Variants in RANBP2 observed in about 807,000 individuals in gnomAD.
RANBP2 encodes the protein E3 SUMO-protein ligase RanBP2.
In RANBP2, 57 loss-of-function variants were observed where a neutral mutation model predicts 303.6. That is an observed-to-expected ratio of 0.19 (90% CI 0.15 to 0.23). RANBP2 has a LOEUF of 0.23. RANBP2 is among the 10% of genes least tolerant of loss of function. The probability of loss-of-function intolerance (pLI) is 1.00; values close to 1 mark genes in which losing one functional copy is unlikely to be tolerated. For synonymous variants in RANBP2, 1,167 were observed against 1,301.5 expected (o/e 0.90, Z 2.23); for missense variants, 3,138 against 3,780.8 (o/e 0.83, Z 4.46).
chr2:108,798,448 G>A, the RANBP2 span: 1 of 1,613,198 alleles, frequency 6.2e-7, no homozygotes, highest in African/African-American at 1.3e-5. Context: ...CAGCACAACA[G>A]AAATTTGCTG....
the RANBP2 span, among the ~76,000 whole-genome samples, chr2:109,088,951 C>T: frequency 6.6e-6 from 1 of 152,246 alleles, no homozygotes; most frequent in East Asian, 1.9e-4. Flanking sequence ...AGATGAAAAG[C>T]GATCGCTGAA....
At chr2:109,553,288 T>G in the RANBP2 span, 1 of 1,539,002 alleles carries the variant, frequency 6.5e-7, no homozygotes, top group Admixed American at 1.8e-5. Context: ...CTCACGCCTG[T>G]AATCCCAACA....
the RANBP2 span, among the ~76,000 whole-genome samples, chr2:109,599,088 A>T: frequency 6.6e-6 from 1 of 152,166 alleles, no homozygotes; most frequent in Non-Finnish European, 1.5e-5. Context: ...TAAAACAAGT[A>T]GTAACATTCA....
chr2:109,765,788 G>A, the RANBP2 span, among the ~76,000 whole-genome samples: 3 of 151,004 alleles, frequency 2.0e-5, no homozygotes, highest in African/African-American at 4.9e-5. Context: ...AGTAGTGCCC[G>A]CTGATGCTTT....
At chr2:109,446,118 C>T in the RANBP2 span, among the ~76,000 whole-genome samples, 4 of 152,130 alleles carry the variant, frequency 2.6e-5, no homozygotes, top group African/African-American at 7.2e-5. Context: ...TTGGGGCACC[C>T]GGGGTGGGTG....
the RANBP2 span, among the ~76,000 whole-genome samples, chr2:109,636,641 G>T: frequency 6.6e-6 from 1 of 152,140 alleles, no homozygotes; most frequent in African/African-American, 2.4e-5. Context: ...AAGATCTGAA[G>T]ATTAAAACAG....
At chr2:108,945,959 T>G in the RANBP2 span, among the ~76,000 whole-genome samples, 1 of 152,174 alleles carries the variant, frequency 6.6e-6, no homozygotes, top group South Asian at 2.1e-4. Flanking sequence ...TGACCCTTCC[T>G]CAAAATAAAA....
In RANBP2 at chr2:108,754,827, A is replaced by G. The variant is rs1238188384; in HGVS notation, c.2203-78A>G. On this transcript the variant is annotated intron_variant, in intron 15 of 28. Coordinates refer to ENST00000283195, the MANE Select transcript of RANBP2 (RefSeq NM_006267.5). ...AAAGTGGCAAAAATGTAAATAAGAT[A>G]AAATATATCATTTTAGAGTTTTTAC... 4 of 1,598,790 alleles carry G rather than the reference A, an allele frequency of 2.5e-6. No homozygotes were observed. In the African/African-American group the frequency reaches 4.0e-5, roughly 16 times the overall value.
the RANBP2 span, among the ~76,000 whole-genome samples, chr2:108,913,586 C>T: frequency 4.0e-5 from 6 of 151,750 alleles, no homozygotes; most frequent in African/African-American, 1.5e-4. Flanking sequence ...TGTTGTTCAG[C>T]ATCAGTTTGA....
the RANBP2 span, among the ~76,000 whole-genome samples, chr2:109,308,130 T>C: frequency 7.0e-5 from 10 of 143,312 alleles, no homozygotes; most frequent in African/African-American, 2.5e-4. Flanking sequence ...TGGTGTGAGA[T>C]GGTATCTCAT....
intron 25 of RANBP2, 99 bp downstream of exon 25, chr2:108,777,330 TC>T (rs371246549): frequency 0.24 from 239,756 of 1,006,278 alleles, 30,547 homozygotes; most frequent in African/African-American, 0.35. Context: ...GTTAGAAGTT[TC>T]TTCCCTTACC....
At chr2:109,452,660 C>A in the RANBP2 span, among the ~76,000 whole-genome samples, 2 of 152,230 alleles carry the variant, frequency 1.3e-5, no homozygotes, top group African/African-American at 2.4e-5. Context: ...AGCCCCAAAA[C>A]CAGCTCTGTG....
chr2:109,108,230 G>A, the RANBP2 span, among the ~76,000 whole-genome samples: 47 of 152,116 alleles, frequency 3.1e-4, no homozygotes, highest in African/African-American at 9.6e-4. Context: ...TAGTAGAGAC[G>A]GGGTTTCACC....
chr2:109,443,166 A>C, the RANBP2 span, among the ~76,000 whole-genome samples: 1 of 152,382 alleles, frequency 6.6e-6, no homozygotes, highest in South Asian at 2.1e-4. Flanking sequence ...ATCTCACATA[A>C]ATTATCATCT....
the RANBP2 span, among the ~76,000 whole-genome samples, chr2:109,514,009 C>G: frequency 6.6e-6 from 1 of 152,208 alleles, no homozygotes; most frequent in South Asian, 2.1e-4. Context: ...GTCTGCGGCT[C>G]CATGTCAGAG....
the RANBP2 span, among the ~76,000 whole-genome samples, chr2:109,655,152 C>T: frequency 1.3e-5 from 2 of 152,310 alleles, no homozygotes; most frequent in East Asian, 1.9e-4. Flanking sequence ...CCACCCGCCT[C>T]AGCCTCCCAA....
the RANBP2 span, among the ~76,000 whole-genome samples, chr2:109,117,195 G>A: frequency 6.6e-6 from 1 of 152,224 alleles, no homozygotes; most frequent in Non-Finnish European, 1.5e-5. Context: ...GTCTGCAGAG[G>A]TTACTGCTGT....
the RANBP2 span, among the ~76,000 whole-genome samples, chr2:109,427,888 TG>T: frequency 4.6e-5 from 7 of 152,268 alleles, no homozygotes; most frequent in Non-Finnish European, 7.3e-5. Flanking sequence ...CTGGCCATCC[TG>T]AGGCCATACC....
At chr2:109,356,656 A>G in the RANBP2 span, among the ~76,000 whole-genome samples, 1 of 152,144 alleles carries the variant, frequency 6.6e-6, no homozygotes, top group African/African-American at 2.4e-5. Flanking sequence ...CGTGATGAGG[A>G]GCAACCTGAC....
Sources: allele counts gnomAD v4.1 joint callset (sites outside exome capture counted in the v4.1 genomes callset), GRCh38; gene constraint gnomAD v4.1.1; transcripts MANE v1.5; gene names NCBI Gene and HGNC (gene_info 2026-07-23, HGNC 2026-07-21).